The following TWIST2 variants were observed in gnomAD, a reference collection of about 807,000 sequenced individuals.
TWIST2 encodes twist family bHLH transcription factor 2, also known as twist-related protein 2.
Under a neutral mutation model 11.6 loss-of-function variants are expected in TWIST2, and 1 was observed. The ratio of observed to expected loss-of-function variants is 0.09; its 90% confidence interval spans 0.03 to 0.41. The LOEUF (loss-of-function observed/expected upper bound fraction) is 0.41, where lower values mean the gene tolerates loss of function less well. TWIST2 is among the 10% of genes least tolerant of loss of function. The pLI, the probability that TWIST2 is intolerant of heterozygous loss-of-function variation, is 0.98. For synonymous variants in TWIST2, 87 were observed against 96.6 expected, an observed-to-expected ratio of 0.90 and a Z score of 0.58; for missense variants, 168 against 226.4, an observed-to-expected ratio of 0.74 and a Z score of 1.66.
rs1028728315 is a variant in TWIST2, at chr2:238,853,972, G to A, written c.*35+5239G>A. Among the ~76,000 whole-genome samples the A allele has an allele frequency of 2.0e-5, 3 of 152,180 alleles. No homozygotes were observed. The East Asian group carries it at 5.8e-4, about 29-fold the overall frequency. On this transcript the variant is annotated intron_variant, in intron 1 of 1. Transcript: ENST00000612363. ...GTCTACCGGGGCTGTCCCTCACTGA[G>A]CGGTTTTCTATCCTAATATTGTTTT...
intron 1 of TWIST2, among the ~76,000 whole-genome samples, chr2:238,888,394 C>T (rs1693078025): frequency 6.6e-6 from 1 of 152,152 alleles, no homozygotes; most frequent in Admixed American, 6.5e-5. Flanking sequence ...TAAAACTGCA[C>T]AGAACATCTG....
intron 1 of TWIST2, among the ~76,000 whole-genome samples, chr2:238,904,319 T>C (rs1693315857): frequency 6.7e-6 from 1 of 148,320 alleles, no homozygotes; most frequent in Non-Finnish European, 1.5e-5. Flanking sequence ...ATGTGAGGTG[T>C]GTGTGTGTGA....
intron 1 of TWIST2, among the ~76,000 whole-genome samples, chr2:238,861,201 C>G (rs1246059905): frequency 1.3e-5 from 2 of 152,220 alleles, no homozygotes; most frequent in Non-Finnish European, 2.9e-5. Context: ...CTCATGGCCC[C>G]CATCAGTCAC....
At chr2:238,857,096 TGGA>T (rs917016143) in intron 1 of TWIST2, among the ~76,000 whole-genome samples, 4 of 152,122 alleles carry the variant, frequency 2.6e-5, no homozygotes, top group Admixed American at 2.6e-4. Flanking sequence ...CAAGGACCAC[TGGA>T]GGGAGCTTGG....
Position 238,867,921 on chromosome 2 carries a change from T to TTGGA in TWIST2, c.*35+19189_*35+19192dup, listed in dbSNP as rs1692572342. 6.6e-6 allele frequency among the ~76,000 whole-genome samples: 1 copy of TTGGA among 152,142 alleles called. No homozygotes were observed. Reference sequence around the variant, plus strand: ...AGGAGCAGGTGGGCTGAAGAATGTGTTGGAGCAGAGACTGTGGTCAGCGGA... The same window carrying TTGGA: ...AGGAGCAGGTGGGCTGAAGAATGTGTTGGATGGAGCAGAGACTGTGGTCAGCGGA... On this transcript the variant is annotated intron_variant, in intron 1 of 1. Coordinates refer to ENST00000612363, the MANE Select transcript of TWIST2 (RefSeq NM_001271893.4). The surrounding 1 kb of genome is among the most constrained non-coding windows in gnomAD (Gnocchi z 4.8).
chr2:238,901,744 C>A (rs1693270734), intron 1 of TWIST2, among the ~76,000 whole-genome samples: 1 of 152,192 alleles, frequency 6.6e-6, no homozygotes, highest in Non-Finnish European at 1.5e-5. Context: ...GCCCACCAGG[C>A]ACTCAGGAGA....
chr2:238,898,749 T>G (rs912037326), intron 1 of TWIST2, among the ~76,000 whole-genome samples: 32 of 152,216 alleles, frequency 2.1e-4, no homozygotes, highest in Admixed American at 1.4e-3. Flanking sequence ...GCTTTGAGGC[T>G]TCCGTTGGGG....
intron 1 of TWIST2, among the ~76,000 whole-genome samples, chr2:238,870,567 A>ACACACACCACACACACATCACATAC (rs1692658853): frequency 3.3e-5 from 1 of 30,138 alleles, no homozygotes; most frequent in Non-Finnish European, 5.9e-5. Context: ...CACACCACAC[A>ACACACACCACACACACATCACATAC]CCACACACCA....
intron 1 of TWIST2, among the ~76,000 whole-genome samples, chr2:238,874,507 G>A (rs1692768828): frequency 1.3e-5 from 2 of 152,150 alleles, no homozygotes; most frequent in South Asian, 4.1e-4. Flanking sequence ...AAAAAAGCGA[G>A]CTTTCGAAAT....
At chr2:238,897,333 C>T (rs1434616583) in intron 1 of TWIST2, among the ~76,000 whole-genome samples, 2 of 152,160 alleles carry the variant, frequency 1.3e-5, no homozygotes, top group South Asian at 2.1e-4. Flanking sequence ...CCCTGTGTCC[C>T]CCAAGCTTCC....
intron 1 of TWIST2, among the ~76,000 whole-genome samples, chr2:238,894,998 G>A (rs1270259161): frequency 6.6e-6 from 1 of 152,108 alleles, no homozygotes; most frequent in Non-Finnish European, 1.5e-5. Context: ...TCTGCTGCTT[G>A]TCTCCCCATA....
At position 238,904,890 on chromosome 2, in the gene TWIST2, G is replaced by A. The variant is rs1437333911; in HGVS notation, c.*36-4952G>A. ...TAAAAGGAAGGAAGGATGGATAGAT[G>A]AATGGATGGGTGGAGGGAATGAAGG... On this transcript the variant is annotated intron_variant, in intron 1 of 1. Coordinates refer to ENST00000612363, the MANE Select transcript of TWIST2 (RefSeq NM_001271893.4). Among the ~76,000 whole-genome samples, 20 of 152,058 alleles carry A rather than the reference G, an allele frequency of 1.3e-4. No homozygotes were observed. The South Asian group carries it at 1.7e-3, about 13-fold the overall frequency.
intron 1 of TWIST2, among the ~76,000 whole-genome samples, chr2:238,854,388 G>C (rs988023576): frequency 6.6e-6 from 1 of 152,100 alleles, no homozygotes; most frequent in East Asian, 1.9e-4. Context: ...TGCGACTGAC[G>C]GGAAAGATTT....
intron 1 of TWIST2, among the ~76,000 whole-genome samples, chr2:238,857,008 C>T (rs996229386): frequency 2.6e-5 from 4 of 152,134 alleles, no homozygotes; most frequent in African/African-American, 4.8e-5. Flanking sequence ...CTGTGACAAT[C>T]GCAGGTGATT....
At chr2:238,903,460 GGT>G (rs1693304156) in intron 1 of TWIST2, among the ~76,000 whole-genome samples, 1 of 139,972 alleles carries the variant, frequency 7.1e-6, no homozygotes, top group Non-Finnish European at 1.5e-5. Flanking sequence ...TCTAATGTGA[GGT>G]GTGTGTGATG....
chr2:238,850,241 CTT>C (rs1465045182), intron 1 of TWIST2, among the ~76,000 whole-genome samples: 2 of 152,162 alleles, frequency 1.3e-5, no homozygotes, highest in Non-Finnish European at 2.9e-5. Flanking sequence ...CTTCTCCTGT[CTT>C]TGTCAAAAAC....
At chr2:238,884,511 A>C (rs1402283976) in intron 1 of TWIST2, among the ~76,000 whole-genome samples, 1 of 152,214 alleles carries the variant, frequency 6.6e-6, no homozygotes, top group East Asian at 1.9e-4. Context: ...GCCCCAGAAC[A>C]AGATTCTAGG....
intron 1 of TWIST2, among the ~76,000 whole-genome samples, chr2:238,879,790 T>G (rs527925004): frequency 6.6e-6 from 1 of 152,310 alleles, no homozygotes; most frequent in South Asian, 2.1e-4. Flanking sequence ...AAGGGCATGA[T>G]TGGCTGTCCT....
chr2:238,852,929 T>G (rs1386093273), intron 1 of TWIST2, among the ~76,000 whole-genome samples: 2 of 152,210 alleles, frequency 1.3e-5, no homozygotes, highest in Non-Finnish European at 1.5e-5. Context: ...AAGCAAATTA[T>G]CTAAGAAATT....
Sources: allele counts gnomAD v4.1 joint callset (sites outside exome capture counted in the v4.1 genomes callset), GRCh38; gene constraint gnomAD v4.1.1; non-coding constraint Gnocchi (gnomAD v3.1); transcripts MANE v1.5; gene names NCBI Gene and HGNC (gene_info 2026-07-23, HGNC 2026-07-21).